TMEM67: variants seen among roughly 807,000 people sequenced by gnomAD.
TMEM67 encodes meckelin.
A neutral mutation model predicts 136.6 loss-of-function variants in TMEM67; 124 were observed. The observed-to-expected ratio is 0.91, with a 90% CI of 0.78 to 1.05. The LOEUF (loss-of-function observed/expected upper bound fraction) is 1.05. Among genes scored for constraint, TMEM67 ranks in the 50% least tolerant of loss-of-function variants. The probability of loss-of-function intolerance (pLI) is 0.00; values close to 1 mark genes in which losing one functional copy is unlikely to be tolerated. For missense variants in TMEM67, 1,107 were observed against 1,178.4 expected (o/e 0.94, Z 0.89); for synonymous variants, 364 against 390.5 (o/e 0.93, Z 0.80).
chr8:93,829,825 T>TG, the TMEM67 span, among the ~76,000 whole-genome samples: 2 of 152,124 alleles, frequency 1.3e-5, no homozygotes, highest in African/African-American at 4.8e-5. Context: ...GTTATAATCC[T>TG]GGGGGGCATT....
intron 21 of TMEM67, 25 bp downstream of exon 21, chr8:93,799,783 A>T: frequency 6.3e-7 from 1 of 1,593,022 alleles, no homozygotes; most frequent in Non-Finnish European, 8.6e-7. Flanking sequence ...AGGTAATATT[A>T]CTTCTAAGTA....
At chr8:93,830,929 G>A in the TMEM67 span, among the ~76,000 whole-genome samples, 4 of 152,208 alleles carry the variant, frequency 2.6e-5, no homozygotes, top group Non-Finnish European at 2.9e-5. Context: ...TCATGATCTC[G>A]TACTTTGATT....
intron 26 of TMEM67, among the ~76,000 whole-genome samples, chr8:93,815,001 G>T (rs965064462): frequency 7.9e-5 from 12 of 152,116 alleles, no homozygotes; most frequent in Admixed American, 7.9e-4. Context: ...GCTTTTAGTT[G>T]TATAAAGAAA....
chr8:93,826,434 A>G, the TMEM67 span, among the ~76,000 whole-genome samples: 2 of 152,098 alleles, frequency 1.3e-5, no homozygotes, highest in African/African-American at 4.8e-5. Flanking sequence ...CTCTGTAAAT[A>G]AGTGGGTTAG....
chr8:93,754,983 C>T lies in TMEM67; in HGVS notation c.69C>T (p.Thr23=), dbSNP rs745801674. The change falls in exon 1 of 28, where the codon ACC becomes ACT. Residue 23 remains threonine, a synonymous_variant. Coordinates refer to ENST00000453321, the MANE Select transcript of TMEM67 (RefSeq NM_153704.6). ...VWSLLSARAV[T]AFLLLFLPRF... ...CCCTCTTATCCGCCCGGGCCGTGAC[C>T]GCGTTCCTTCTGTTGTTCCTCCCTC... The T allele has an allele frequency of 8.1e-6, 13 of 1,614,090 alleles. No individual in the cohort carries two copies. The African/African-American group carries it at 1.6e-4, about 20-fold the overall frequency.
chr8:93,775,284 T>G (rs1813489393), intron 7 of TMEM67, among the ~76,000 whole-genome samples: 3 of 152,236 alleles, frequency 2.0e-5, no homozygotes, highest in African/African-American at 7.2e-5. Flanking sequence ...TGCAAAAAAT[T>G]TCTCCCATTG....
intron 16 of TMEM67, 118 bp downstream of exon 16, chr8:93,793,414 A>G: frequency 8.4e-6 from 7 of 838,234 alleles, no homozygotes; most frequent in Non-Finnish European, 9.9e-6. Context: ...TGGGATATGT[A>G]ATTAGGGTAA....
chr8:93,805,050 G>A (rs1217859238), intron 23 of TMEM67, among the ~76,000 whole-genome samples, 172 bp downstream of exon 23: 4 of 152,064 alleles, frequency 2.6e-5, no homozygotes, highest in Non-Finnish European at 4.4e-5. Flanking sequence ...TCGGCTCACT[G>A]CAGCCTCTGC....
In TMEM67 at chr8:93,809,835, A is replaced by G. The variant is rs1266159003; in HGVS notation, c.2712A>G (p.Arg904=). 1 of 1,609,040 alleles carries G rather than the reference A, an allele frequency of 6.2e-7. No individual in the cohort carries two copies. The highest frequency in any genetic ancestry group is 1.3e-5 in the African/African-American group (1 of 74,834). ...TAAAAGATAAGTTGCTTCTTGAAAG[A>G]ATTCTTGGAATGGAATTCATGGAAC... ...YFIKDKLLLE[R]ILGMEFMEPM... The change falls in exon 26 of 28, where the codon AGA becomes AGG. Residue 904 remains arginine, a synonymous_variant. Transcript: ENST00000453321.
intron 3 of TMEM67, among the ~76,000 whole-genome samples, chr8:93,760,688 G>GA (rs1460674599): frequency 2.1e-5 from 3 of 143,208 alleles, no homozygotes; most frequent in Non-Finnish European, 4.6e-5. Flanking sequence ...AAAAAAAAAA[G>GA]AAAAAAAGAA....
chr8:93,761,845 C>T (rs1251682656), intron 3 of TMEM67: 1 of 152,174 alleles, frequency 6.6e-6, no homozygotes, highest in East Asian at 1.9e-4. Context: ...TGCATATGTG[C>T]TTGTATATGC....
At chr8:93,776,614 T>G (rs1393714126) in intron 7 of TMEM67, among the ~76,000 whole-genome samples, 2 of 152,198 alleles carry the variant, frequency 1.3e-5, no homozygotes, top group Non-Finnish European at 2.9e-5. Context: ...GGTAATTATG[T>G]GGTTTTTGTC....
At chr8:93,801,360 G>C (rs1201686531) in intron 21 of TMEM67, among the ~76,000 whole-genome samples, 1 of 150,808 alleles carries the variant, frequency 6.6e-6, no homozygotes, top group Non-Finnish European at 1.5e-5. Context: ...TCAGCCTCCT[G>C]ATTAGCTGGG....
chr8:93,801,254 A>G (rs1480054056), intron 21 of TMEM67, among the ~76,000 whole-genome samples: 2 of 152,080 alleles, frequency 1.3e-5, no homozygotes, highest in African/African-American at 2.4e-5. Context: ...TTTTGTTTTT[A>G]GAGACAGTCT....
Position 93,803,642 on chromosome 8 carries a change from A to G in TMEM67, c.2280A>G (p.Glu760=), listed in dbSNP as rs1268951649. The change falls in exon 22 of 28, where the codon GAA becomes GAG. Residue 760 remains glutamate (E), a synonymous_variant. Transcript: ENST00000453321. ...CTGTCTTTTATGAGAGATTTATAGAAGATAAAATTCGACAGTTCGTTGATT... is the reference window on the plus strand; with the variant it reads ...CTGTCTTTTATGAGAGATTTATAGAGGATAAAATTCGACAGTTCGTTGATT... ...FFAVFYERFI[E]DKIRQFVDLC... 1 of 1,606,116 alleles carries G rather than the reference A, an allele frequency of 6.2e-7. No homozygotes were observed. Among genetic ancestry groups the G allele is most frequent in the Admixed American group, 1.7e-5 (1 of 60,004 alleles).
At chr8:93,772,118 AT>A (rs1284277780) in intron 6 of TMEM67, among the ~76,000 whole-genome samples, 1 of 152,192 alleles carries the variant, frequency 6.6e-6, no homozygotes, top group Non-Finnish European at 1.5e-5. Flanking sequence ...GAAGCCAGGC[AT>A]TTTTTGTTTT....
chr8:93,793,331 T>G, intron 16 of TMEM67, 35 bp downstream of exon 16: 1 of 1,541,852 alleles, frequency 6.5e-7, no homozygotes, highest in African/African-American at 1.4e-5. Context: ...AATATTTTTA[T>G]CTTTTGACCA....
intron 14 of TMEM67, among the ~76,000 whole-genome samples, chr8:93,790,580 T>C (rs1814332384): frequency 6.6e-6 from 1 of 152,216 alleles, no homozygotes; most frequent in Admixed American, 6.5e-5. Context: ...CTATTATATC[T>C]CTTCTTCATT....
At chr8:93,808,815 T>G in intron 23 of TMEM67, 25 bp from the exon 24 acceptor site, 1 of 1,449,114 alleles carries the variant, frequency 6.9e-7, no homozygotes, top group Non-Finnish European at 9.7e-7. Flanking sequence ...ATTTTGATCT[T>G]AACTTAAATT....
Sources: allele counts gnomAD v4.1 joint callset (sites outside exome capture counted in the v4.1 genomes callset), GRCh38; gene constraint gnomAD v4.1.1; transcripts MANE v1.5; gene names NCBI Gene and HGNC (gene_info 2026-07-23, HGNC 2026-07-21).